Variants in GJA8 observed in about 807,000 individuals in gnomAD.
GJA8 encodes the protein gap junction protein alpha 8.
A neutral mutation model predicts 15.3 loss-of-function variants in GJA8; 13 were observed. The observed-to-expected ratio is 0.85, with a 90% CI of 0.55 to 1.35. The LOEUF (loss-of-function observed/expected upper bound fraction) is 1.35, where lower values mean the gene tolerates loss of function less well. GJA8 is among the 40% of genes most tolerant of loss of function. The probability of loss-of-function intolerance (pLI) is 0.00; values close to 1 mark genes in which losing one functional copy is unlikely to be tolerated. For missense variants in GJA8, 607 were observed against 553.3 expected, an observed-to-expected ratio of 1.10 and a Z score of -0.97; for synonymous variants, 304 against 238.7, an observed-to-expected ratio of 1.27 and a Z score of -2.52.
chr1:147,913,565 G>T (rs1553243723), downstream of GJA8, among the ~76,000 whole-genome samples: 2 of 152,160 alleles, frequency 1.3e-5, no homozygotes, highest in Non-Finnish European at 2.9e-5. Flanking sequence ...GATACGGAAA[G>T]AGCTGCATGC....
At chr1:147,906,601 TTC>T (rs2149014479) in intron 1 of GJA8, among the ~76,000 whole-genome samples, 1 of 152,330 alleles carries the variant, frequency 6.6e-6, no homozygotes, top group African/African-American at 2.4e-5. Context: ...TCCCAAAGCA[TTC>T]TCTCTGTTCT....
Position 147,908,207 on chromosome 1 carries a change from C to T in GJA8, c.252C>T (p.Phe84=), listed in dbSNP as rs1553242582. 3 of 1,614,114 alleles carry T rather than the reference C, an allele frequency of 1.9e-6. No homozygotes were observed. ...HIRLWVLQII[F]VSTPSLMYVG... ...GCCTCTGGGTGCTGCAGATCATCTT[C>T]GTCTCCACCCCGTCCCTGATGTACG... is the stretch of plus-strand genomic sequence containing the variant. The change falls in exon 2 of 2, where the codon TTC becomes TTT. Residue 84 remains phenylalanine, a synonymous_variant. Coordinates refer to ENST00000369235, the MANE Select transcript of GJA8 (RefSeq NM_005267.5).
rs782515955 is a variant in GJA8 at position 147,909,078 on chromosome 1, C to T, written c.1123C>T (p.Pro375Ser). ...AVPEGEKVETPGVDKEGEKEE... is the reference protein window; with the variant it reads ...AVPEGEKVETSGVDKEGEKEE... The stretch of plus-strand genomic sequence containing the variant: ...GCCAGAGGGGGAGAAAGTAGAGACC[C>T]CCGGAGTGGATAAGGAGGGTGAAAA... The change falls in exon 2 of 2, where the codon CCC becomes TCC. Residue 375 changes from proline to serine, a missense_variant. Coordinates refer to ENST00000369235, the MANE Select transcript of GJA8 (RefSeq NM_005267.5). 2.5e-6 allele frequency: 4 copies of T among 1,609,010 alleles called. No homozygotes were observed. The highest frequency in any genetic ancestry group is 3.4e-6 in the Non-Finnish European group (4 of 1,177,630).
chr1:147,913,853 T>C (rs1652277469), downstream of GJA8, among the ~76,000 whole-genome samples: 1 of 152,234 alleles, frequency 6.6e-6, no homozygotes, highest in African/African-American at 2.4e-5. Context: ...AAAACTCTTC[T>C]GAGTGTAAAT....
chr1:147,907,996 T>G lies in GJA8; in HGVS notation c.41T>G (p.Val14Gly). The change falls in exon 2 of 2, where the codon GTG (valine) becomes GGG (glycine). Residue 14 changes from valine to glycine, a missense_variant. By Grantham distance (109) the Val-to-Gly change is moderately radical (BLOSUM62 -3). Coordinates refer to ENST00000369235, the MANE Select transcript of GJA8 (RefSeq NM_005267.5). ...TTCCTGGGGAACATCTTGGAGGAGG[T>G]GAATGAGCACTCCACCGTCATCGGC... ...WSFLGNILEEVNEHSTVIGRV... is the reference protein window; with the variant it reads ...WSFLGNILEEGNEHSTVIGRV... 1.2e-6 allele frequency: 2 copies of G among 1,613,790 alleles called. No individual in the cohort carries two copies. Among genetic ancestry groups the G allele is most frequent in the Non-Finnish European group, 1.7e-6 (2 of 1,179,882 alleles).
Position 147,909,009 on chromosome 1 carries a change from G to A in GJA8, c.1054G>A (p.Glu352Lys). 6.3e-7 allele frequency: 1 copy of A among 1,594,872 alleles called. No individual in the cohort carries two copies. The highest frequency in any genetic ancestry group is 8.5e-7 in the Non-Finnish European group (1 of 1,170,188). ...ACCCGAGGTGGGAGAGAAGAAGGAG[G>A]AAGCAGAGAGGCTGACCACGGAGGA... ...AEPEVGEKKE[E>K]AERLTTEEQE... The change falls in exon 2 of 2, where the codon GAA (glutamate) becomes AAA (lysine). Residue 352 changes from glutamate (E) to lysine (K), a missense_variant. Physicochemically the swap from Glu to Lys is moderately conservative, Grantham distance 56. Coordinates refer to ENST00000369235, the MANE Select transcript of GJA8 (RefSeq NM_005267.5).
intron 1 of GJA8, among the ~76,000 whole-genome samples, chr1:147,904,143 G>A (rs1013057451): frequency 6.6e-6 from 1 of 151,982 alleles, no homozygotes; most frequent in Non-Finnish European, 1.5e-5. Flanking sequence ...CTGTTGGCCA[G>A]GCTGATCTTG....
chr1:147,907,274 G>A (rs1213123135), intron 1 of GJA8, among the ~76,000 whole-genome samples: 2 of 152,192 alleles, frequency 1.3e-5, no homozygotes, highest in African/African-American at 2.4e-5. Context: ...CAGGCATTGA[G>A]TATATAGCTG....
downstream of GJA8, among the ~76,000 whole-genome samples, chr1:147,914,194 T>C (rs587650776): frequency 2.2e-4 from 34 of 152,322 alleles, no homozygotes; most frequent in South Asian, 7.0e-3. Flanking sequence ...TTCTGGAAGT[T>C]CTACAGAGCA....
At chr1:147,913,928 C>G (rs1652280275), downstream of GJA8, among the ~76,000 whole-genome samples, 1 of 152,096 alleles carries the variant, frequency 6.6e-6, no homozygotes, top group Non-Finnish European at 1.5e-5. Context: ...GAGACTTTCC[C>G]CTTTTGCAAT....
downstream of GJA8, among the ~76,000 whole-genome samples, chr1:147,913,956 A>G (rs1553243782): frequency 6.6e-6 from 1 of 152,194 alleles, no homozygotes; most frequent in Non-Finnish European, 1.5e-5. Flanking sequence ...TTATAACTAA[A>G]TATGTACTTG....
downstream of GJA8, among the ~76,000 whole-genome samples, chr1:147,910,212 A>G (rs369054816): frequency 9.2e-5 from 14 of 152,212 alleles, no homozygotes; most frequent in East Asian, 2.3e-3. Context: ...GTTGGCAACT[A>G]AATTTTAAAT....
chr1:147,909,060 G>T lies in GJA8; in HGVS notation c.1105G>T (p.Gly369Trp), dbSNP rs781881392. 23 of 1,604,162 alleles carry T rather than the reference G, an allele frequency of 1.4e-5. No homozygotes were observed. The highest frequency in any genetic ancestry group is 1.7e-4 in the Middle Eastern group (1 of 5,956). Residue 369 changes from glycine (G) to tryptophan (W), a missense_variant, in exon 2 of 2, where the codon GGG becomes TGG. Coordinates refer to ENST00000369235, the MANE Select transcript of GJA8 (RefSeq NM_005267.5). ...GCAGGAGAAGGTGGCCGTGCCAGAGGGGGAGAAAGTAGAGACCCCCGGAGT... is the reference window on the plus strand; with the variant it reads ...GCAGGAGAAGGTGGCCGTGCCAGAGTGGGAGAAAGTAGAGACCCCCGGAGT... ...EEQEKVAVPE[G>W]EKVETPGVDK...
At chr1:147,911,420 G>A (rs1652144260), downstream of GJA8, among the ~76,000 whole-genome samples, 1 of 152,134 alleles carries the variant, frequency 6.6e-6, no homozygotes, top group Non-Finnish European at 1.5e-5. Flanking sequence ...TGATTGTTCG[G>A]TAACTACTCC....
chr1:147,908,777 C>A lies in GJA8; in HGVS notation c.822C>A (p.Ile274=), dbSNP rs781834904. 1.9e-6 allele frequency: 3 copies of A among 1,614,090 alleles called. No individual in the cohort carries two copies. Among genetic ancestry groups the A allele is most frequent in the East Asian group, 2.2e-5 (1 of 44,870 alleles). Residue 274 remains isoleucine, a synonymous_variant, in exon 2 of 2, where the codon ATC becomes ATA. Transcript: ENST00000369235. ...ATCAGCTCCTAGAAGAAGAGAAAAT[C>A]GTTTCCCACTATTTCCCCTTGACCG... ...KGYQLLEEEK[I]VSHYFPLTEV... is the part of the protein sequence containing the mutation.
chr1:147,908,878 C>T lies in GJA8; in HGVS notation c.923C>T (p.Pro308Leu), dbSNP rs1553242900. ...TTCGAGGAGAAGATCAGCACAGGAC[C>T]CCTGGGGGACTTGTCCCGGGGCTAC... ...NQFEEKISTGPLGDLSRGYQE... is the reference protein window; with the variant it reads ...NQFEEKISTGLLGDLSRGYQE... The change falls in exon 2 of 2, where the codon CCC becomes CTC. Residue 308 changes from proline to leucine, a missense_variant. Physicochemically the swap from Pro to Leu is moderately conservative, Grantham distance 98 (BLOSUM62 -3). Coordinates refer to ENST00000369235, the MANE Select transcript of GJA8 (RefSeq NM_005267.5). The T allele has an allele frequency of 1.2e-6, 2 of 1,614,130 alleles. No individual in the cohort carries two copies. The highest frequency in any genetic ancestry group is 2.2e-5 in the South Asian group (2 of 91,080).
chr1:147,903,805 A>C (rs1359996136), intron 1 of GJA8, among the ~76,000 whole-genome samples: 2 of 152,176 alleles, frequency 1.3e-5, no homozygotes, highest in Non-Finnish European at 2.9e-5. Flanking sequence ...CACCAAGTTA[A>C]GTGTGTTCAA....
At chr1:147,912,214 A>G (rs1416050397), downstream of GJA8, among the ~76,000 whole-genome samples, 1 of 152,186 alleles carries the variant, frequency 6.6e-6, no homozygotes, top group African/African-American at 2.4e-5. Flanking sequence ...GCTGAGTGGT[A>G]CCATTCCCTG....
chr1:147,904,087 C>T (rs1651703836), intron 1 of GJA8, among the ~76,000 whole-genome samples: 2 of 151,926 alleles, frequency 1.3e-5, no homozygotes, highest in African/African-American at 2.4e-5. Context: ...GCCCCACCAC[C>T]GTGCCCAGCT....
Sources: allele counts gnomAD v4.1 joint callset (sites outside exome capture counted in the v4.1 genomes callset), GRCh38; gene constraint gnomAD v4.1.1; transcripts MANE v1.5; gene names NCBI Gene and HGNC (gene_info 2026-07-23, HGNC 2026-07-21).